Variants in ANXA1 observed in about 807,000 individuals in gnomAD.
ANXA1 encodes annexin A1.
ANXA1 carries 39 observed loss-of-function variants against 47.9 expected under a neutral mutation model. The observed-to-expected ratio is 0.81, with a 90% CI of 0.63 to 1.06. The LOEUF is 1.06. Ranked by LOEUF, ANXA1 falls within the 50% of genes least tolerant of loss-of-function variation. ANXA1 has a pLI of 0.00. For synonymous variants in ANXA1, 146 were observed against 142.5 expected, an observed-to-expected ratio of 1.02 and a Z score of -0.17; for missense variants, 446 against 422.7, an observed-to-expected ratio of 1.06 and a Z score of -0.48.
Position 73,165,215 on chromosome 9 carries a change from A to G in ANXA1, c.706+6A>G. On this transcript the variant is annotated splice_donor_region_variant and intron_variant, in intron 9 of 12. Transcript: ENST00000257497. Reference sequence around the variant, plus strand: ...CTATCCACAACTTCGCAGAGGTAACAATAAATTTCTTTTTCTGGAATCTGT... The same window carrying G: ...CTATCCACAACTTCGCAGAGGTAACGATAAATTTCTTTTTCTGGAATCTGT... The G allele has an allele frequency of 6.2e-6, 10 of 1,609,338 alleles. No individual in the cohort carries two copies. The highest frequency in any genetic ancestry group is 8.5e-6 in the Non-Finnish European group (10 of 1,176,698).
At chr9:73,163,732 T>G (rs373744440) in intron 8 of ANXA1, among the ~76,000 whole-genome samples, 200 bp downstream of exon 8, 5 of 152,184 alleles carry the variant, frequency 3.3e-5, no homozygotes, top group African/African-American at 1.2e-4. Context: ...ATATCTCTCA[T>G]TATTCGTAAA....
chr9:73,156,774 T>C (rs1231514511), intron 1 of ANXA1, among the ~76,000 whole-genome samples: 2 of 152,182 alleles, frequency 1.3e-5, no homozygotes, highest in Non-Finnish European at 2.9e-5. Flanking sequence ...GCCAAGATTG[T>C]CCTCCCAACC....
intron 7 of ANXA1, among the ~76,000 whole-genome samples, 154 bp from the exon 8 acceptor site, chr9:73,163,322 C>T (rs13293746): frequency 0.34 from 52,172 of 152,032 alleles, 11,401 homozygotes; most frequent in Non-Finnish European, 0.49. Context: ...CTAAAACCAT[C>T]GCAAGTAAAA....
At position 73,154,410 on chromosome 9, in the gene ANXA1, C is replaced by CTTTCTTTTCTTT. The variant is rs908741321; in HGVS notation, c.-15+2500_-15+2511dup. On this transcript the variant is annotated intron_variant, in intron 1 of 12. Transcript: ENST00000257497. ...GTCACTAATTCCCTCCCTCCCTTCT[C>CTTTCTTTTCTTT]TTTCTTTTCTTTTTTCTTTTCTTTT... 18 of 1,250,772 alleles carry CTTTCTTTTCTTT rather than the reference C, an allele frequency of 1.4e-5. No individual in the cohort carries two copies. In the South Asian group the frequency reaches 2.0e-4, roughly 14 times the overall value. The allele number at this position is 1,250,772 out of a possible 1,614,324, so 77.5% of individuals were successfully genotyped here.
At chr9:73,165,687 G>A (rs1405169352) in intron 9 of ANXA1, 8 of 169,978 alleles carry the variant, frequency 4.7e-5, no homozygotes, top group African/African-American at 1.9e-4. Context: ...CGATGGAAAA[G>A]TTATGACAAT....
At chr9:73,158,669 T>C (rs1355458487) in intron 2 of ANXA1, 26 bp from the exon 3 acceptor site, 1 of 1,611,248 alleles carries the variant, frequency 6.2e-7, no homozygotes, top group South Asian at 1.1e-5. Context: ...TAAATGGCCA[T>C]TAATTTATTT....
chr9:73,162,401 A>C (rs1824157579), intron 6 of ANXA1, among the ~76,000 whole-genome samples: 1 of 152,222 alleles, frequency 6.6e-6, no homozygotes, highest in Non-Finnish European at 1.5e-5. Flanking sequence ...ATTTGCATTC[A>C]AGCAAGTACC....
At position 73,165,459 on chromosome 9, in the gene ANXA1, C is replaced by T. The variant is rs1287744158; in HGVS notation, c.706+250C>T. 100 of 307,776 alleles carry T rather than the reference C, an allele frequency of 3.2e-4. 1 individual carries two copies. The highest frequency in any genetic ancestry group is 2.2e-4 in the Non-Finnish European group (36 of 166,540). The allele number at this position is 307,776 out of a possible 1,614,324, so 19.1% of individuals were successfully genotyped here. Reference sequence around the variant, plus strand: ...TTTTGTTATTTTCACTGCTTTTACTCCCCTAAAAGATTTGGAATATGTGTG... The same window carrying T: ...TTTTGTTATTTTCACTGCTTTTACTTCCCTAAAAGATTTGGAATATGTGTG... On this transcript the variant is annotated intron_variant, in intron 9 of 12. Coordinates refer to ENST00000257497, the MANE Select transcript of ANXA1 (RefSeq NM_000700.3).
chr9:73,155,561 T>G (rs974324408), intron 1 of ANXA1, among the ~76,000 whole-genome samples: 1 of 152,218 alleles, frequency 6.6e-6, no homozygotes, highest in African/African-American at 2.4e-5. Context: ...CAGTTGGCTT[T>G]GAGCCCTTAA....
At chr9:73,159,193 T>A (rs78551812) in intron 3 of ANXA1, 136 bp from the exon 4 acceptor site, 1 of 708,608 alleles carries the variant, frequency 1.4e-6, no homozygotes, top group Non-Finnish European at 2.3e-6. Flanking sequence ...ATAGCATCGA[T>A]TTTTTAGGCT....
intron 1 of ANXA1, among the ~76,000 whole-genome samples, chr9:73,154,505 G>A (rs895990981): frequency 1.3e-5 from 2 of 151,582 alleles, no homozygotes; most frequent in African/African-American, 2.4e-5. Flanking sequence ...GTACAATCTC[G>A]GCTCACTGCA....
intron 6 of ANXA1, among the ~76,000 whole-genome samples, chr9:73,161,967 T>C (rs950123714): frequency 2.6e-5 from 4 of 152,206 alleles, no homozygotes; most frequent in African/African-American, 9.6e-5. Flanking sequence ...ACAAGTAGTA[T>C]GGGACCAGCG....
intron 1 of ANXA1, among the ~76,000 whole-genome samples, chr9:73,156,148 T>TATAAATAA (rs995474223): frequency 2.3e-4 from 22 of 95,508 alleles, no homozygotes; most frequent in African/African-American, 1.5e-3. Flanking sequence ...TAATAAATAA[T>TATAAATAA]ATAAATAAAT....
At chr9:73,152,790 T>C (rs1823992267) in intron 1 of ANXA1, among the ~76,000 whole-genome samples, 1 of 152,220 alleles carries the variant, frequency 6.6e-6, no homozygotes, top group Non-Finnish European at 1.5e-5. Flanking sequence ...GTTGGATATA[T>C]TTGTAAAAGT....
At chr9:73,165,945 T>G in intron 9 of ANXA1, 152 bp from the exon 10 acceptor site, 1 of 568,676 alleles carries the variant, frequency 1.8e-6, no homozygotes, top group Non-Finnish European at 3.1e-6. Context: ...GGATGAAGTA[T>G]TCACGTTATG....
At position 73,170,103 on chromosome 9, in the gene ANXA1, A is replaced by G. The variant is rs1315005052; in HGVS notation, c.1037A>G (p.Asn346Ser). 2.5e-6 allele frequency: 4 copies of G among 1,604,600 alleles called. No homozygotes were observed. The highest frequency in any genetic ancestry group is 1.7e-4 in the Middle Eastern group (1 of 6,014). ...ATCCTGGTGGCTCTTTGTGGAGGAA[A>G]CTAAACATTCCCTTGATGGTCTCAA... Reference protein sequence around the residue: ...EKILVALCGGN With the variant: ...EKILVALCGGS The change falls in exon 13 of 13, where the codon AAC (asparagine) becomes AGC (serine). Residue 346 changes from asparagine (N) to serine (S), a missense_variant. Transcript: ENST00000257497.
intron 1 of ANXA1, among the ~76,000 whole-genome samples, chr9:73,152,240 A>G (rs1823984084): frequency 6.6e-6 from 1 of 152,158 alleles, no homozygotes; most frequent in Non-Finnish European, 1.5e-5. Flanking sequence ...CCTTAAAAGA[A>G]TGTGTTTTTC....
intron 6 of ANXA1, 138 bp from the exon 7 acceptor site, chr9:73,162,644 T>C: frequency 1.9e-6 from 1 of 516,388 alleles, no homozygotes; most frequent in Middle Eastern, 3.1e-4. Context: ...TATTTAAAAA[T>C]GATAATATTT....
intron 6 of ANXA1, among the ~76,000 whole-genome samples, chr9:73,161,593 T>A (rs1392380279): frequency 6.6e-6 from 1 of 152,130 alleles, no homozygotes; most frequent in Non-Finnish European, 1.5e-5. Flanking sequence ...ATATATGGCA[T>A]ATAGAAGATC....
Sources: gnomAD v4.1 joint callset for allele counts (sites outside exome capture counted in the v4.1 genomes callset) on GRCh38, gnomAD v4.1.1 for gene constraint, MANE v1.5 for transcripts, NCBI Gene and HGNC (gene_info 2026-07-23, HGNC 2026-07-21) for gene names.